The following TMEM132C variants were observed in gnomAD, a reference collection of about 807,000 sequenced individuals.
TMEM132C encodes the protein protein phosphatase 1, regulatory subunit 152.
A neutral mutation model predicts 61.4 loss-of-function variants in TMEM132C; 29 were observed. The ratio of observed to expected loss-of-function variants is 0.47; its 90% confidence interval spans 0.35 to 0.64. The LOEUF is 0.64. Among genes scored for constraint, TMEM132C ranks in the 30% least tolerant of loss-of-function variants. The pLI, the probability that TMEM132C is intolerant of heterozygous loss-of-function variation, is 0.00. For synonymous variants in TMEM132C, 656 were observed against 633.1 expected, an observed-to-expected ratio of 1.04 and a Z score of -0.54; for missense variants, 1,408 against 1,476.9, an observed-to-expected ratio of 0.95 and a Z score of 0.76.
At position 128,673,641 on chromosome 12, in the gene TMEM132C, C is replaced by A. The variant is rs145516742; in HGVS notation, c.1449+4081C>A. Among the ~76,000 whole-genome samples the A allele has an allele frequency of 4.3e-3, 659 of 152,334 alleles. 3 individuals are homozygous for A. The highest frequency in any genetic ancestry group is 7.0e-3 in the Non-Finnish European group (474 of 68,034). On this transcript the variant is annotated intron_variant, in intron 5 of 8. Transcript: ENST00000435159. ...AAAAATAGTCTATGCTCTGTTTGTACAATGTGCTGAAATGCAAGCATATCA... is the reference window on the plus strand; with the variant it reads ...AAAAATAGTCTATGCTCTGTTTGTAAAATGTGCTGAAATGCAAGCATATCA...
intron 4 of TMEM132C, among the ~76,000 whole-genome samples, chr12:128,632,381 G>GC (rs1235074431): frequency 1.3e-5 from 2 of 152,146 alleles, no homozygotes; most frequent in Non-Finnish European, 2.9e-5. Flanking sequence ...ACATTAATTA[G>GC]CTCTTCCTCC....
chr12:128,682,063 G>T (rs1954639843), intron 5 of TMEM132C, among the ~76,000 whole-genome samples: 1 of 152,092 alleles, frequency 6.6e-6, no homozygotes, highest in African/African-American at 2.4e-5. Context: ...TCCTCTGATT[G>T]CTCCCGCTTA....
chr12:128,645,452 C>G (rs1049568890), intron 4 of TMEM132C, among the ~76,000 whole-genome samples: 1 of 152,214 alleles, frequency 6.6e-6, no homozygotes. Context: ...GTGGGGCACC[C>G]GAGATCCTTC....
intron 3 of TMEM132C, among the ~76,000 whole-genome samples, chr12:128,583,526 G>A (rs1357505347): frequency 6.6e-6 from 1 of 152,232 alleles, no homozygotes; most frequent in Admixed American, 6.5e-5. Context: ...GACTGGTGTT[G>A]ATTGGACCTC....
chr12:128,572,533 C>T (rs192497996), intron 3 of TMEM132C, among the ~76,000 whole-genome samples: 12 of 151,216 alleles, frequency 7.9e-5, no homozygotes, highest in East Asian at 3.9e-4. Context: ...TCTGATTGGC[C>T]GGGCCTGGGT....
chr12:128,586,865 C>T (rs931604130), intron 3 of TMEM132C, among the ~76,000 whole-genome samples: 2 of 152,238 alleles, frequency 1.3e-5, no homozygotes, highest in Admixed American at 1.3e-4. Flanking sequence ...CAATTCCTGC[C>T]TCCCTGAGAG....
intron 3 of TMEM132C, among the ~76,000 whole-genome samples, chr12:128,560,364 T>C (rs930870838): frequency 6.6e-6 from 1 of 152,208 alleles, no homozygotes; most frequent in East Asian, 1.9e-4. Flanking sequence ...CTCTGGACCT[T>C]ACCCCATGCT....
At chr12:128,417,648 G>A (rs1332117873) in intron 2 of TMEM132C, among the ~76,000 whole-genome samples, 1 of 152,130 alleles carries the variant, frequency 6.6e-6, no homozygotes, top group Admixed American at 6.5e-5. Flanking sequence ...GCTTCGATGG[G>A]GTTGTGAGGA....
chr12:128,270,983 G>A (rs998811872), intron 1 of TMEM132C, among the ~76,000 whole-genome samples: 71 of 151,888 alleles, frequency 4.7e-4, no homozygotes, highest in African/African-American at 1.5e-3. Context: ...GGTCAGGCAC[G>A]GTGGCTCACA....
chr12:128,672,582 C>A (rs1305654146), intron 5 of TMEM132C, among the ~76,000 whole-genome samples: 3 of 152,148 alleles, frequency 2.0e-5, no homozygotes, highest in Non-Finnish European at 4.4e-5. Context: ...AGAGTTGATA[C>A]CCCTGGCTGT....
chr12:128,452,966 A>G (rs1028444053), intron 2 of TMEM132C, among the ~76,000 whole-genome samples: 2 of 152,244 alleles, frequency 1.3e-5, no homozygotes, highest in African/African-American at 2.4e-5. Flanking sequence ...AAAGAAAAAC[A>G]TTATGTAAAC....
chr12:128,539,070 T>C (rs1183902993), intron 2 of TMEM132C, among the ~76,000 whole-genome samples: 1 of 152,206 alleles, frequency 6.6e-6, no homozygotes, highest in Non-Finnish European at 1.5e-5. Flanking sequence ...GGAACACTTA[T>C]TGAACATCAT....
Position 128,705,641 on chromosome 12 carries a change from C to A in TMEM132C, c.2673C>A (p.Asp891Glu), listed in dbSNP as rs1205159169. The change falls in exon 9 of 9, where the codon GAC (aspartate) becomes GAA (glutamate). Residue 891 changes from aspartate (D) to glutamate (E), a missense_variant. Physicochemically the swap from Asp to Glu is conservative, Grantham distance 45. Transcript: ENST00000435159. ...GEGQLQNIPI[D>E]FTNFPAHVDL... is the part of the protein sequence containing the mutation. ...GGCAGCTGCAGAACATCCCCATTGA[C>A]TTCACCAACTTCCCTGCCCACGTGG... 3 of 1,551,092 alleles carry A rather than the reference C, an allele frequency of 1.9e-6. No individual in the cohort carries two copies. Among genetic ancestry groups the A allele is most frequent in the East Asian group, 2.4e-5 (1 of 40,906 alleles).
intron 2 of TMEM132C, among the ~76,000 whole-genome samples, chr12:128,426,729 G>A (rs1370892679): frequency 6.6e-6 from 1 of 152,014 alleles, no homozygotes; most frequent in Non-Finnish European, 1.5e-5. Flanking sequence ...AACACATCTG[G>A]GTTGCCAGGC....
intron 2 of TMEM132C, among the ~76,000 whole-genome samples, chr12:128,470,438 C>A (rs1160228571): frequency 2.0e-5 from 3 of 152,158 alleles, no homozygotes; most frequent in African/African-American, 7.2e-5. Context: ...TAATCACCTG[C>A]TTTTCTGTGG....
intron 4 of TMEM132C, among the ~76,000 whole-genome samples, chr12:128,622,666 T>C (rs1427074844): frequency 1.3e-5 from 2 of 151,912 alleles, no homozygotes; most frequent in East Asian, 1.9e-4. Context: ...TTCACTCTGC[T>C]CTGGGGTCCG....
At chr12:128,485,912 C>G (rs927605971) in intron 2 of TMEM132C, among the ~76,000 whole-genome samples, 1 of 152,086 alleles carries the variant, frequency 6.6e-6, no homozygotes, top group Non-Finnish European at 1.5e-5. Flanking sequence ...TTTCCTTTTG[C>G]GGCAGATGTA....
intron 1 of TMEM132C, among the ~76,000 whole-genome samples, chr12:128,280,066 A>C (rs1024974393): frequency 2.6e-5 from 4 of 152,154 alleles, no homozygotes; most frequent in Admixed American, 1.3e-4. Context: ...CAGTCTCTTG[A>C]ATCTTGATAG....
rs935606201 is a variant in TMEM132C at position 128,441,793 on chromosome 12, G to A, written c.974+26173G>A. Among the ~76,000 whole-genome samples the A allele has an allele frequency of 9.6e-4, 146 of 152,262 alleles. 1 individual carries two copies. Among genetic ancestry groups the A allele is most frequent in the Non-Finnish European group, 2.5e-4 (17 of 68,016 alleles). ...GCAGATCATTTGAGGTCAGGAGTTC[G>A]AGACCAGCTTGCCAACATGGCGAAA... is the stretch of plus-strand genomic sequence containing the variant. On this transcript the variant is annotated intron_variant, in intron 2 of 8. Coordinates refer to ENST00000435159, the MANE Select transcript of TMEM132C (RefSeq NM_001136103.3).
Sources: gnomAD v4.1 joint callset for allele counts (sites outside exome capture counted in the v4.1 genomes callset) on GRCh38, gnomAD v4.1.1 for gene constraint, MANE v1.5 for transcripts, NCBI Gene and HGNC (gene_info 2026-07-23, HGNC 2026-07-21) for gene names.